The following MDN1 variants were observed in gnomAD, a reference collection of about 807,000 sequenced individuals.
MDN1 encodes midasin AAA ATPase 1.
In MDN1, 266 loss-of-function variants were observed where a neutral mutation model predicts 669.2. The observed-to-expected ratio is 0.40, with a 90% CI of 0.36 to 0.44. The LOEUF is 0.44. MDN1 is among the 20% of genes least tolerant of loss of function. The pLI, the probability that MDN1 is intolerant of heterozygous loss-of-function variation, is 1.00. For missense variants in MDN1, 5,940 were observed against 6,754.0 expected (o/e 0.88, Z 4.22); for synonymous variants, 2,385 against 2,457.1 (o/e 0.97, Z 0.87).
chr6:89,765,136 T>C (rs1005864622), intron 15 of MDN1, among the ~76,000 whole-genome samples: 87 of 152,150 alleles, frequency 5.7e-4, no homozygotes, highest in African/African-American at 1.9e-3. Flanking sequence ...CGGGCGCCTA[T>C]AGTCCCAGCT....
intron 55 of MDN1, 41 bp downstream of exon 55, chr6:89,701,517 T>G (rs750666544): frequency 1.2e-6 from 2 of 1,608,340 alleles, no homozygotes; most frequent in East Asian, 4.5e-5. Context: ...TCAGAAGTAG[T>G]AGTCACATTT....
intron 83 of MDN1, among the ~76,000 whole-genome samples, chr6:89,669,951 T>C (rs1406752008): frequency 6.6e-6 from 1 of 151,446 alleles, no homozygotes; most frequent in African/African-American, 2.4e-5. Context: ...ACACATGTAA[T>C]CCCAGCACTT....
intron 8 of MDN1, among the ~76,000 whole-genome samples, chr6:89,786,382 G>A (rs1818958678): frequency 6.6e-6 from 1 of 152,098 alleles, no homozygotes; most frequent in Non-Finnish European, 1.5e-5. Context: ...CTCGAGTCCA[G>A]GAGTTCAAGA....
At chr6:89,722,932 C>A in intron 40 of MDN1, 23 bp downstream of exon 40, 1 of 1,585,568 alleles carries the variant, frequency 6.3e-7, no homozygotes, top group Non-Finnish European at 8.6e-7. Context: ...GAAAGAAATA[C>A]AAATACCAAG....
In MDN1 at chr6:89,686,989, G is replaced by A. The variant is rs200566875; in HGVS notation, c.11485C>T (p.Arg3829Cys). The A allele has an allele frequency of 1.2e-4, 193 of 1,609,034 alleles. No individual in the cohort carries two copies. Among genetic ancestry groups the A allele is most frequent in the Admixed American group, 3.9e-4 (23 of 59,612 alleles). Residue 3829 changes from arginine (R) to cysteine (C), a missense_variant, in exon 69 of 102, where the codon CGC becomes TGC. Around this residue, in one of 5 missense-constraint regions of MDN1, gnomAD observed 2,280 missense variants for 2,576.3 expected, o/e 0.88. Coordinates refer to ENST00000369393, the MANE Select transcript of MDN1 (RefSeq NM_014611.3). ...TGCTTGGTGGATTTCTCGGTGTGGC[G>A]CTTCATAGTATTATCCAAACTCATG... is the stretch of plus-strand genomic sequence containing the variant. ...WSMSLDNTMKRHTEKSTKHWF... is the reference protein window; with the variant it reads ...WSMSLDNTMKCHTEKSTKHWF...
rs1202850038 is a variant in MDN1, at chr6:89,695,108, C to A, written c.9771+497G>T. Among the ~76,000 whole-genome samples, 3 of 152,140 alleles carry A rather than the reference C, an allele frequency of 2.0e-5. No individual in the cohort carries two copies. Among genetic ancestry groups the A allele is most frequent in the Non-Finnish European group, 4.4e-5 (3 of 68,036 alleles). ...ATTAGCCAGGCGTGGTAGCGGGTTC[C>A]TGTAATCCCAGCTACTCGGGAGGCT... On this transcript the variant is annotated intron_variant, in intron 61 of 101. Coordinates refer to ENST00000369393, the MANE Select transcript of MDN1 (RefSeq NM_014611.3). The surrounding 1 kb of genome is among the most constrained non-coding windows in gnomAD (Gnocchi z 4.1).
intron 85 of MDN1, 55 bp downstream of exon 85, chr6:89,664,432 G>A: frequency 1.3e-6 from 2 of 1,594,700 alleles, no homozygotes; most frequent in Non-Finnish European, 1.7e-6. Context: ...GTAATTTCCT[G>A]GATAAAATAT....
chr6:89,736,491 G>A (rs139748515), intron 33 of MDN1, among the ~76,000 whole-genome samples: 3 of 152,148 alleles, frequency 2.0e-5, no homozygotes, highest in Non-Finnish European at 4.4e-5. Context: ...CTTGGTTAAC[G>A]ATTTCTGTCT....
chr6:89,780,875 T>C (rs550025322), intron 10 of MDN1, among the ~76,000 whole-genome samples: 1 of 151,096 alleles, frequency 6.6e-6, no homozygotes, highest in East Asian at 2.0e-4. Context: ...GGTCTCGAAC[T>C]CCTGATCTCA....
chr6:89,663,107 C>T, intron 85 of MDN1, 140 bp from the exon 86 acceptor site: 1 of 865,030 alleles, frequency 1.2e-6, no homozygotes, highest in Non-Finnish European at 1.8e-6. Flanking sequence ...ACCCTACGGG[C>T]AGATGCCTTT....
chr6:89,797,045 G>A (rs542065884), intron 2 of MDN1, among the ~76,000 whole-genome samples: 1 of 149,850 alleles, frequency 6.7e-6, no homozygotes, highest in South Asian at 2.1e-4. Flanking sequence ...TCCAGCATGG[G>A]CAACAAGAGT....
chr6:89,694,834 G>T (rs1259131739), intron 61 of MDN1, among the ~76,000 whole-genome samples: 2 of 151,780 alleles, frequency 1.3e-5, no homozygotes, highest in Non-Finnish European at 2.9e-5. Context: ...ATTACAGGGT[G>T]AGGCCACCAC....
At position 89,684,997 on chromosome 6, in the gene MDN1, GA is replaced by G; in HGVS notation, c.11720-13del. On this transcript the variant is annotated splice_polypyrimidine_tract_variant and intron_variant, in intron 70 of 101. Coordinates refer to ENST00000369393, the MANE Select transcript of MDN1 (RefSeq NM_014611.3). ...ACTGCAAAGTGAATCTGGAAGAAAT[GA>G]AAAGGAAACAAAAATACCACACTTG... The G allele has an allele frequency of 6.3e-7, 1 of 1,579,502 alleles. No individual in the cohort carries two copies. The highest frequency in any genetic ancestry group is 8.7e-7 in the Non-Finnish European group (1 of 1,151,402).
In MDN1 at chr6:89,793,799, A is replaced by C; in HGVS notation, c.818T>G (p.Val273Gly). The C allele has an allele frequency of 6.2e-7, 1 of 1,614,126 alleles. No homozygotes were observed. Among genetic ancestry groups the C allele is most frequent in the South Asian group, 1.1e-5 (1 of 91,082 alleles). ...GGCTGGCAGCTGCCCAGGCAGCACC[A>C]CACCACAAACAGCTGTCACCCTAGG... ...LSPRVTAVCG[V>G]VLPGQLPAPG... Residue 273 changes from valine (V) to glycine (G), a missense_variant, in exon 5 of 102, where the codon GTG becomes GGG. Coordinates refer to ENST00000369393, the MANE Select transcript of MDN1 (RefSeq NM_014611.3).
Position 89,700,684 on chromosome 6 carries a change from A to C in MDN1, c.8600T>G (p.Leu2867Arg). 6.2e-7 allele frequency: 1 copy of C among 1,614,246 alleles called. No homozygotes were observed. Among genetic ancestry groups the C allele is most frequent in the Non-Finnish European group, 8.5e-7 (1 of 1,180,038 alleles). ...LKKSLLQAWGLILRANILEDV... is the reference protein window; with the variant it reads ...LKKSLLQAWGRILRANILEDV... ...TTCCAAAATATTTGCTCTGAGGATC[A>C]GTCCCCAGGCTTGCAGGAGACTTTT... is the stretch of plus-strand genomic sequence containing the variant. Residue 2867 changes from leucine to arginine, a missense_variant, in exon 56 of 102, where the codon CTG becomes CGG. Coordinates refer to ENST00000369393, the MANE Select transcript of MDN1 (RefSeq NM_014611.3).
intron 41 of MDN1, 48 bp from the exon 42 acceptor site, chr6:89,719,078 G>C (rs1008116000): frequency 5.0e-6 from 8 of 1,613,416 alleles, no homozygotes; most frequent in African/African-American, 1.3e-5. Flanking sequence ...CTGGTAGTGG[G>C]AGCAGAAGAA....
In MDN1 at chr6:89,668,170, G is replaced by C; in HGVS notation, c.13957-19C>G. 6.2e-7 allele frequency: 1 copy of C among 1,612,948 alleles called. No homozygotes were observed. The highest frequency in any genetic ancestry group is 8.5e-7 in the Non-Finnish European group (1 of 1,179,550). ...AAAATCCCTTAGAAAAAAGAAAAAG[G>C]AAGTGAACAATTAGGCACAAAAGCA... On this transcript the variant is annotated intron_variant, in intron 83 of 101. Transcript: ENST00000369393.
chr6:89,714,651 G>A lies in MDN1; in HGVS notation c.6961C>T (p.Pro2321Ser). 1 of 1,614,022 alleles carries A rather than the reference G, an allele frequency of 6.2e-7. No homozygotes were observed. The highest frequency in any genetic ancestry group is 8.5e-7 in the Non-Finnish European group (1 of 1,179,968). ...AGAACTTTCAAATCCAGGTTGTCTG[G>A]GGTGCTTGCATCCCCTTCCCCTGAA... Reference protein sequence around the residue: ...YISGEGDASTPDNLDLKVLLH... With the variant: ...YISGEGDASTSDNLDLKVLLH... Residue 2321 changes from proline (P) to serine (S), a missense_variant, in exon 46 of 102, where the codon CCA becomes TCA. This residue lies in a region of MDN1 where 2,292 missense variants were observed against 2,638.3 expected (regional missense o/e 0.87). Coordinates refer to ENST00000369393, the MANE Select transcript of MDN1 (RefSeq NM_014611.3).
chr6:89,780,917 G>C (rs916659788), intron 10 of MDN1, among the ~76,000 whole-genome samples: 2 of 151,710 alleles, frequency 1.3e-5, no homozygotes, highest in Non-Finnish European at 2.9e-5. Context: ...CCAAAGTGCT[G>C]GGATTACAGG....
Sources: allele counts gnomAD v4.1 joint callset (sites outside exome capture counted in the v4.1 genomes callset), GRCh38; gene constraint gnomAD v4.1.1; regional missense constraint gnomAD v4.1.1; non-coding constraint Gnocchi (gnomAD v3.1); transcripts MANE v1.5; gene names NCBI Gene and HGNC (gene_info 2026-07-23, HGNC 2026-07-21).